The following BRINP3 variants were observed in gnomAD, a reference collection of about 807,000 sequenced individuals.
The protein encoded by BRINP3 is BMP/retinoic acid-inducible neural-specific protein 3.
A neutral mutation model predicts 71.0 loss-of-function variants in BRINP3; 19 were observed. The observed-to-expected ratio is 0.27, with a 90% CI of 0.19 to 0.39. The LOEUF (loss-of-function observed/expected upper bound fraction) is 0.39, where lower values mean the gene tolerates loss of function less well. BRINP3 is among the 10% of genes least tolerant of loss of function. The pLI, the probability that BRINP3 is intolerant of heterozygous loss-of-function variation, is 1.00. For missense variants in BRINP3, 959 were observed against 940.8 expected (o/e 1.02, Z -0.25); for synonymous variants, 380 against 337.7 (o/e 1.13, Z -1.37).
At chr1:190,113,742 A>G (rs745466389) in intron 7 of BRINP3, among the ~76,000 whole-genome samples, 4 of 152,222 alleles carry the variant, frequency 2.6e-5, no homozygotes, top group Non-Finnish European at 5.9e-5. Flanking sequence ...GCATATTTCT[A>G]GTATATTGCA....
intron 2 of BRINP3, among the ~76,000 whole-genome samples, chr1:190,287,359 A>G (rs915638791): frequency 1.9e-4 from 29 of 152,322 alleles, no homozygotes; most frequent in African/African-American, 6.7e-4. Context: ...AGTGTTTATA[A>G]AACAGCTAAA....
intron 2 of BRINP3, among the ~76,000 whole-genome samples, chr1:190,413,118 T>G (rs1322926131): frequency 6.6e-6 from 1 of 152,174 alleles, no homozygotes; most frequent in East Asian, 1.9e-4. Context: ...AATCCTTTTA[T>G]AAACCAAATC....
intron 7 of BRINP3, among the ~76,000 whole-genome samples, chr1:190,158,550 C>A (rs1323832876): frequency 6.6e-6 from 1 of 152,062 alleles, no homozygotes; most frequent in East Asian, 1.9e-4. Context: ...ATACCTCAAA[C>A]CTCAGCATCA....
chr1:190,279,760 T>C (rs1215608187), intron 3 of BRINP3, among the ~76,000 whole-genome samples: 8 of 151,944 alleles, frequency 5.3e-5, no homozygotes, highest in Non-Finnish European at 1.5e-5. Flanking sequence ...CTGATTCTCA[T>C]CAATTCTGAA....
chr1:190,303,911 C>A (rs142238975), intron 2 of BRINP3, among the ~76,000 whole-genome samples: 2 of 151,674 alleles, frequency 1.3e-5, no homozygotes, highest in South Asian at 4.1e-4. Flanking sequence ...AAAAATTTAA[C>A]AATCAACATA....
chr1:190,344,083 T>A, intron 2 of BRINP3, among the ~76,000 whole-genome samples: 1 of 151,824 alleles, frequency 6.6e-6, no homozygotes, highest in East Asian at 1.9e-4. Flanking sequence ...AAACGAACTA[T>A]GTTTATTCAC....
intron 3 of BRINP3, among the ~76,000 whole-genome samples, chr1:190,273,030 C>A (rs373937421): frequency 2.0e-5 from 3 of 147,658 alleles, no homozygotes; most frequent in South Asian, 2.1e-4. Flanking sequence ...GGAGAATAGG[C>A]CTTTCTTTCC....
chr1:190,285,811 A>G (rs1663380818), intron 2 of BRINP3, among the ~76,000 whole-genome samples: 1 of 152,058 alleles, frequency 6.6e-6, no homozygotes, highest in African/African-American at 2.4e-5. Flanking sequence ...AAACAAAGCA[A>G]TGGAGCGCTG....
At position 190,374,350 on chromosome 1, in the gene BRINP3, T is replaced by A. The variant is rs548693414; in HGVS notation, c.236+80305A>T. 6.6e-5 allele frequency among the ~76,000 whole-genome samples: 10 copies of A among 152,258 alleles called. No individual in the cohort carries two copies. The East Asian group carries it at 1.7e-3, about 27-fold the overall frequency. On this transcript the variant is annotated intron_variant, in intron 2 of 7. Transcript: ENST00000367462. ...TGTTTCAACCCAAAAATCATATAGA[T>A]GACATGGGCTAATACTGGAAGCTTT...
At chr1:190,369,782 G>A (rs1669742768) in intron 2 of BRINP3, among the ~76,000 whole-genome samples, 1 of 151,966 alleles carries the variant, frequency 6.6e-6, no homozygotes, top group Non-Finnish European at 1.5e-5. Flanking sequence ...ACCCGAATAT[G>A]TGACATAATG....
At chr1:190,152,294 C>G (rs898103035) in intron 7 of BRINP3, among the ~76,000 whole-genome samples, 8 of 151,802 alleles carry the variant, frequency 5.3e-5, no homozygotes, top group Admixed American at 4.6e-4. Context: ...TATCTCAACA[C>G]TTTAGTTGCT....
chr1:190,318,291 T>C (rs1666019010), intron 2 of BRINP3, among the ~76,000 whole-genome samples: 1 of 152,146 alleles, frequency 6.6e-6, no homozygotes, highest in Non-Finnish European at 1.5e-5. Flanking sequence ...CTTTATCTAA[T>C]ATTTTCAGCA....
intron 1 of BRINP3, among the ~76,000 whole-genome samples, chr1:190,466,966 C>T (rs558806065): frequency 2.0e-5 from 3 of 151,562 alleles, no homozygotes; most frequent in Admixed American, 1.3e-4. Flanking sequence ...AAAAACACAA[C>T]GAACACAACA....
In BRINP3 at chr1:190,264,940, G is replaced by A. The variant is rs144981430; in HGVS notation, c.543C>T (p.Ala181=). 78 of 1,613,540 alleles carry A rather than the reference G, an allele frequency of 4.8e-5. No homozygotes were observed. In the East Asian group the frequency reaches 1.1e-3, roughly 23 times the overall value. ...SVTLETLHQL[A]ASYFIDRDST... is the part of the protein sequence containing the mutation. ...TGTCCCTGTCAATGAAATAAGAAGC[G>A]GCTAGCTGATGTAGCGTCTCCAGAG... is the stretch of plus-strand genomic sequence containing the variant. Residue 181 remains alanine, a synonymous_variant, in exon 4 of 8, where the codon GCC becomes GCT. Coordinates refer to ENST00000367462, the MANE Select transcript of BRINP3 (RefSeq NM_199051.3).
chr1:190,369,472 C>T (rs1669719435), intron 2 of BRINP3, among the ~76,000 whole-genome samples: 1 of 151,892 alleles, frequency 6.6e-6, no homozygotes. Context: ...AAAAGGTAGT[C>T]TTCAAAATTT....
chr1:190,423,741 C>CA (rs1673526263), intron 2 of BRINP3, among the ~76,000 whole-genome samples: 1 of 151,668 alleles, frequency 6.6e-6, no homozygotes, highest in African/African-American at 2.4e-5. Context: ...CCAACTCCTC[C>CA]ACCCCCTACC....
chr1:190,321,774 G>A (rs1272172164), intron 2 of BRINP3, among the ~76,000 whole-genome samples: 3 of 151,966 alleles, frequency 2.0e-5, no homozygotes, highest in African/African-American at 7.2e-5. Flanking sequence ...TTCATCTGAA[G>A]TTGATAGAAC....
At chr1:190,204,226 C>T (rs1209834960) in intron 6 of BRINP3, among the ~76,000 whole-genome samples, 2 of 151,860 alleles carry the variant, frequency 1.3e-5, no homozygotes, top group Non-Finnish European at 2.9e-5. Context: ...AGCTGATTTT[C>T]ATCTTTCTGT....
chr1:190,303,965 T>G (rs905179343), intron 2 of BRINP3, among the ~76,000 whole-genome samples: 2 of 151,736 alleles, frequency 1.3e-5, no homozygotes, highest in African/African-American at 4.8e-5. Context: ...GTACTTCAAA[T>G]TGCCATTCAT....
Sources: allele counts gnomAD v4.1 joint callset (sites outside exome capture counted in the v4.1 genomes callset), GRCh38; gene constraint gnomAD v4.1.1; transcripts MANE v1.5; gene names NCBI Gene and HGNC (gene_info 2026-07-23, HGNC 2026-07-21).